The following CYP4F8 variants were observed in gnomAD, a reference collection of about 807,000 sequenced individuals.
The protein encoded by CYP4F8 is cytochrome P450 4F8.
CYP4F8 carries 56 observed loss-of-function variants against 55.0 expected under a neutral mutation model. That is an observed-to-expected ratio of 1.02 (90% CI 0.82 to 1.27). The LOEUF (loss-of-function observed/expected upper bound fraction) is 1.27. Among genes scored for constraint, CYP4F8 ranks in the 50% most tolerant of loss-of-function variants. CYP4F8 has a pLI of 0.00. For synonymous variants in CYP4F8, 288 were observed against 267.3 expected, an observed-to-expected ratio of 1.08 and a Z score of -0.76; for missense variants, 680 against 682.4, an observed-to-expected ratio of 1.00 and a Z score of 0.04.
chr19:15,619,403 C>T, intron 3 of CYP4F8, 87 bp from the exon 4 acceptor site: 1 of 1,527,218 alleles, frequency 6.5e-7, no homozygotes, highest in South Asian at 1.2e-5. Context: ...AAAAGACGTC[C>T]AAACCTCTGG....
chr19:15,624,024 GAA>G lies in CYP4F8; in HGVS notation c.1046_1047del (p.Glu349ValfsTer17). ...CTTGTACAACCTCGCGAGGCACCCA[GAA>G]TACCAAGAACGCTGCCGGCAGGAGG... Reference protein sequence around the residue: ...WVLYNLARHPEYQERCRQEVQ... With the variant: ...WVLYNLARHPXYQERCRQEVQ... On this transcript the variant is annotated frameshift_variant, in exon 9 of 13. Coordinates refer to ENST00000612078, the MANE Select transcript of CYP4F8 (RefSeq NM_007253.4). LOFTEE classifies it high-confidence loss of function. 2 of 1,614,230 alleles carry G rather than the reference GAA, an allele frequency of 1.2e-6. No homozygotes were observed. The highest frequency in any genetic ancestry group is 1.7e-6 in the Non-Finnish European group (2 of 1,180,048).
chr19:15,618,473 G>A (rs1302912917), intron 3 of CYP4F8: 4 of 417,122 alleles, frequency 9.6e-6, no homozygotes, highest in African/African-American at 2.0e-5. Context: ...TTCAGAATGG[G>A]CCAGGAGGAG....
chr19:15,619,545 T>C lies in CYP4F8; in HGVS notation c.397+2T>C, dbSNP rs757814330. 8 of 1,614,124 alleles carry C rather than the reference T, an allele frequency of 5.0e-6. No homozygotes were observed. The highest frequency in any genetic ancestry group is 6.8e-6 in the Non-Finnish European group (8 of 1,180,002). On this transcript the variant is annotated splice_donor_variant, in intron 4 of 12. Transcript: ENST00000612078. LOFTEE classifies it high-confidence loss of function. ...ACAAGACCCTGAAGCCCTGGCTGGG[T>C]AAGTAACTGTAGGTGGACGGGACGG...
intron 5 of CYP4F8, among the ~76,000 whole-genome samples, chr19:15,620,097 G>A (rs1443368157): frequency 6.6e-6 from 1 of 152,208 alleles, no homozygotes; most frequent in Non-Finnish European, 1.5e-5. Flanking sequence ...AGAGCAATAA[G>A]GGTTTATATT....
intron 3 of CYP4F8, chr19:15,619,245 A>G: frequency 2.0e-6 from 1 of 500,166 alleles, no homozygotes; most frequent in Non-Finnish European, 3.6e-6. Context: ...TGTAGGAGCC[A>G]TGTCAAGACA....
At chr19:15,625,687 C>T (rs373676814) in intron 9 of CYP4F8, among the ~76,000 whole-genome samples, 5 of 151,992 alleles carry the variant, frequency 3.3e-5, no homozygotes, top group African/African-American at 9.6e-5. Context: ...ATCAGGTTAG[C>T]CAGTTTGACA....
At chr19:15,626,530 A>G (rs535390841) in intron 9 of CYP4F8, among the ~76,000 whole-genome samples, 2 of 152,306 alleles carry the variant, frequency 1.3e-5, no homozygotes, top group East Asian at 1.9e-4. Flanking sequence ...TCCTTTGTCT[A>G]CTTTTCACTT....
intron 3 of CYP4F8, 86 bp from the exon 4 acceptor site, chr19:15,619,404 A>G: frequency 6.5e-7 from 1 of 1,533,516 alleles, no homozygotes; most frequent in Non-Finnish European, 8.9e-7. Flanking sequence ...AAAGACGTCC[A>G]AACCTCTGGC....
chr19:15,623,951 T>C lies in CYP4F8; in HGVS notation c.986-14T>C. The C allele has an allele frequency of 6.2e-7, 1 of 1,613,550 alleles. No individual in the cohort carries two copies. The highest frequency in any genetic ancestry group is 8.5e-7 in the Non-Finnish European group (1 of 1,179,604). ...AGCAGCCCAGAGACTCAAGCCTGCC[T>C]GGCTGACCCTCAGGCCATGACACCA... On this transcript the variant is annotated splice_polypyrimidine_tract_variant and intron_variant, in intron 8 of 12. Transcript: ENST00000612078.
rs187622893 is a variant in CYP4F8, at chr19:15,623,050, C to T, written c.648-55C>T. 1.7e-3 allele frequency: 2,650 copies of T among 1,567,662 alleles called. 5 individuals are homozygous for T. Among genetic ancestry groups the T allele is most frequent in the Non-Finnish European group, 2.0e-3 (2,346 of 1,153,896 alleles). Reference sequence around the variant, plus strand: ...CCTGGGATTCTGGCTGGAAGGTGCTCCCAGGCTTTCATGTGGGTAAGGAGC... The same window carrying T: ...CCTGGGATTCTGGCTGGAAGGTGCTTCCAGGCTTTCATGTGGGTAAGGAGC... On this transcript the variant is annotated intron_variant, in intron 6 of 12. Transcript: ENST00000612078.
intron 1 of CYP4F8, 132 bp downstream of exon 1, chr19:15,615,412 AG>A (rs1972102244): frequency 1.8e-6 from 1 of 547,890 alleles, no homozygotes; most frequent in Non-Finnish European, 3.1e-6. Context: ...GTTCTAGATG[AG>A]GCTGTCTGGT....
At position 15,619,651 on chromosome 19, in the gene CYP4F8, A is replaced by G. The variant is rs746545187; in HGVS notation, c.414A>G (p.Leu138=). 4.3e-6 allele frequency: 7 copies of G among 1,614,050 alleles called. No individual in the cohort carries two copies. The East Asian group carries it at 1.3e-4, about 31-fold the overall frequency. The part of the protein sequence containing the change: ...LKPWLGDGLL[L]SVGDKWRHHR... ...CCGTACTAGGGGATGGGCTCTTGTTAAGTGTTGGTGACAAGTGGAGACACC... is the reference window on the plus strand; with the variant it reads ...CCGTACTAGGGGATGGGCTCTTGTTGAGTGTTGGTGACAAGTGGAGACACC... Residue 138 remains leucine, a synonymous_variant, in exon 5 of 13, where the codon TTA becomes TTG. Transcript: ENST00000612078.
At position 15,629,447 on chromosome 19, in the gene CYP4F8, C is replaced by T. The variant is rs374346322; in HGVS notation, c.*89C>T. The T allele has an allele frequency of 2.8e-6, 4 of 1,450,936 alleles. No homozygotes were observed. The South Asian group carries it at 4.3e-5, about 16-fold the overall frequency. 89.9% of individuals were successfully genotyped at this position (1,450,936 alleles called of 1,614,324 possible). A position where few individuals can be genotyped will look rare whatever the true frequency, so the allele number is the denominator to read the frequency against. On this transcript the variant is annotated 3_prime_UTR_variant, in exon 13 of 13. Transcript: ENST00000612078. ...ATTTCCGGTAATAAATCTGTGTTGG[C>T]CCCTGTGCCTCAGTCCCGCGGATGG...
intron 6 of CYP4F8, 50 bp downstream of exon 6, chr19:15,622,390 G>T (rs757501904): frequency 6.6e-7 from 1 of 1,517,716 alleles, no homozygotes; most frequent in Admixed American, 1.8e-5. Context: ...GGGGGTGTGG[G>T]TGTGGGGAGA....
chr19:15,625,639 T>C (rs998680490), intron 9 of CYP4F8, among the ~76,000 whole-genome samples: 9 of 152,150 alleles, frequency 5.9e-5, no homozygotes, highest in East Asian at 5.8e-4. Context: ...CAGTTTTTTT[T>C]CCCTCGAGTT....
At chr19:15,619,602 G>A (rs1972167282) in intron 4 of CYP4F8, 33 bp from the exon 5 acceptor site, 1 of 1,614,044 alleles carries the variant, frequency 6.2e-7, no homozygotes, top group African/African-American at 1.3e-5. Context: ...GGAAGATTCT[G>A]CCCTTGCCCA....
At chr19:15,622,457 T>C in intron 6 of CYP4F8, 117 bp downstream of exon 6, 1 of 1,393,128 alleles carries the variant, frequency 7.2e-7, no homozygotes, top group Non-Finnish European at 9.7e-7. Context: ...AACTAGGCAT[T>C]GAAGGACAAA....
intron 8 of CYP4F8, 95 bp from the exon 9 acceptor site, chr19:15,623,870 C>T (rs1222304624): frequency 3.8e-6 from 6 of 1,595,048 alleles, no homozygotes; most frequent in Non-Finnish European, 5.1e-6. Context: ...CTCCCCCTCC[C>T]CTCAACCTTC....
chr19:15,624,246 G>A (rs116426535), intron 9 of CYP4F8, among the ~76,000 whole-genome samples, 152 bp downstream of exon 9: 2,042 of 152,306 alleles, frequency 0.013, 36 homozygotes, highest in African/African-American at 0.041. Flanking sequence ...AAACAGGCTA[G>A]CAAGGGTAAC....
Sources: allele counts gnomAD v4.1 joint callset (sites outside exome capture counted in the v4.1 genomes callset), GRCh38; gene constraint gnomAD v4.1.1; transcripts MANE v1.5; gene names NCBI Gene and HGNC (gene_info 2026-07-23, HGNC 2026-07-21).